CPT1A: variants seen among roughly 807,000 people sequenced by gnomAD.
CPT1A encodes carnitine O-palmitoyltransferase 1, liver isoform.
CPT1A carries 64 observed loss-of-function variants against 100.8 expected under a neutral mutation model. That is an observed-to-expected ratio of 0.63 (90% confidence interval 0.52 to 0.78). The LOEUF is 0.78. Among genes scored for constraint, CPT1A ranks in the 30% least tolerant of loss-of-function variants. The pLI, the probability that CPT1A is intolerant of heterozygous loss-of-function variation, is 0.00. For synonymous variants in CPT1A, 363 were observed against 396.0 expected (o/e 0.92, Z 0.99); for missense variants, 802 against 1,034.1 (o/e 0.78, Z 3.08).
chr11:68,839,649 AC>A (rs1857112721), intron 1 of CPT1A: 1 of 985,432 alleles, frequency 1.0e-6, no homozygotes, highest in Non-Finnish European at 1.2e-6. Flanking sequence ...CGAGCCAGAA[AC>A]GCAGGCACCG....
rs571775260 is a variant in CPT1A at position 68,786,858 on chromosome 11, A to G, written c.968-1848T>C. 8.5e-5 allele frequency among the ~76,000 whole-genome samples: 13 copies of G among 152,282 alleles called. No individual in the cohort carries two copies. In the East Asian group the frequency reaches 2.3e-3, roughly 27 times the overall value. ...GCTCTGATTTTTAAAATGTTTACCA[A>G]ACCAAGGATGCAGGAGACCTGCTTT... On this transcript the variant is annotated intron_variant, in intron 9 of 18. Transcript: ENST00000265641.
In CPT1A at chr11:68,755,151, A is replaced by G. The variant is rs1431362995; in HGVS notation, c.*2493T>C. On this transcript the variant is annotated 3_prime_UTR_variant, in exon 19 of 19. Coordinates refer to ENST00000265641, the MANE Select transcript of CPT1A (RefSeq NM_001876.4). ...GCATTGATAACTGCACTGATGAGCA[A>G]CAATTACATTTGAAACATTTAAAAC... 1 of 371,756 alleles carries G rather than the reference A, an allele frequency of 2.7e-6. No homozygotes were observed. Among genetic ancestry groups the G allele is most frequent in the Non-Finnish European group, 5.0e-6 (1 of 201,314 alleles). The allele number at this position is 371,756 out of a possible 1,614,324, so 23.0% of individuals were successfully genotyped here.
At chr11:68,820,205 A>AT (rs1594368203) in intron 1 of CPT1A, among the ~76,000 whole-genome samples, 2 of 151,706 alleles carry the variant, frequency 1.3e-5, no homozygotes, top group African/African-American at 2.4e-5. Flanking sequence ...TAATTTATGT[A>AT]TTTTTTTGTA....
chr11:68,838,579 A>AAAAACAAAAAAAAAAAAC (rs1566394886), intron 1 of CPT1A, among the ~76,000 whole-genome samples: 1 of 144,364 alleles, frequency 6.9e-6, no homozygotes, highest in African/African-American at 2.6e-5. Flanking sequence ...TTTTAAAAAA[A>AAAAACAAAAAAAAAAAAC]AAAAAAAAAA....
rs1346683458 is a variant in CPT1A at position 68,841,026 on chromosome 11, G to C, written c.-14+749C>G. ...GGCCCGGCACCCTCATCCTGCTCAC[G>C]GCAGCGCTCGGACCGCGCCTGGAGT... On this transcript the variant is annotated intron_variant, in intron 1 of 18. Transcript: ENST00000265641. The surrounding 1 kb of genome is among the most constrained non-coding windows in gnomAD (Gnocchi z 6.3). 6.6e-6 allele frequency among the ~76,000 whole-genome samples: 1 copy of C among 152,224 alleles called. No homozygotes were observed. The highest frequency in any genetic ancestry group is 1.5e-5 in the Non-Finnish European group (1 of 68,026).
chr11:68,813,567 T>C (rs1423226347), intron 2 of CPT1A, among the ~76,000 whole-genome samples: 1 of 146,550 alleles, frequency 6.8e-6, no homozygotes, highest in African/African-American at 2.5e-5. Flanking sequence ...CCGGGCATTG[T>C]GGTGTGCACC....
intron 6 of CPT1A, among the ~76,000 whole-genome samples, chr11:68,797,391 C>T (rs541004508): frequency 3.7e-4 from 57 of 152,258 alleles, no homozygotes; most frequent in African/African-American, 1.3e-3. Context: ...AAACTATGGG[C>T]TGGCCATGGT....
At chr11:68,776,979 G>A (rs545539391) in intron 12 of CPT1A, among the ~76,000 whole-genome samples, 1 of 152,236 alleles carries the variant, frequency 6.6e-6, no homozygotes, top group Non-Finnish European at 1.5e-5. Context: ...CGGGGTGACT[G>A]TCGGCTGGCG....
Position 68,781,978 on chromosome 11 carries a change from A to G in CPT1A, c.1164-19T>C, listed in dbSNP as rs1223924420. 1.2e-6 allele frequency: 2 copies of G among 1,612,542 alleles called. No homozygotes were observed. The highest frequency in any genetic ancestry group is 1.7e-6 in the Non-Finnish European group (2 of 1,178,626). ...GGGAACTCTGCAGTGAAGATGAAAT[A>G]CGATTAAAGGCAGCCCGACCTGCAG... is the stretch of plus-strand genomic sequence containing the variant. On this transcript the variant is annotated intron_variant, in intron 10 of 18. Transcript: ENST00000265641.
rs1459887743 is a variant in CPT1A at position 68,780,716 on chromosome 11, A to G, written c.1382T>C (p.Val461Ala). 2 of 1,614,254 alleles carry G rather than the reference A, an allele frequency of 1.2e-6. No individual in the cohort carries two copies. Among genetic ancestry groups the G allele is most frequent in the South Asian group, 2.2e-5 (2 of 91,088 alleles). The change falls in exon 12 of 19, where the codon GTC becomes GCC. Residue 461 changes from valine to alanine, a missense_variant. Coordinates refer to ENST00000265641, the MANE Select transcript of CPT1A (RefSeq NM_001876.4). ...GAGGCCCATCTTCCCGTTTTTGAAG[A>G]CAACAAACGTGAACGACTTGTCAAA... Reference protein sequence around the residue: ...RWFDKSFTFVVFKNGKMGLNA... With the variant: ...RWFDKSFTFVAFKNGKMGLNA...
At chr11:68,765,800 C>T (rs1854781417) in intron 14 of CPT1A, among the ~76,000 whole-genome samples, 1 of 152,038 alleles carries the variant, frequency 6.6e-6, no homozygotes, top group African/African-American at 2.4e-5. Flanking sequence ...AAAATTCTAT[C>T]ACATCAAGTC....
chr11:68,781,762 G>A lies in CPT1A; in HGVS notation c.1352+9C>T. 1.2e-6 allele frequency: 2 copies of A among 1,614,088 alleles called. No homozygotes were observed. The highest frequency in any genetic ancestry group is 1.7e-6 in the Non-Finnish European group (2 of 1,179,912). On this transcript the variant is annotated intron_variant, in intron 11 of 18. Transcript: ENST00000265641. Reference sequence around the variant, plus strand: ...CAAACTCCTGTCTCTCAGAAGGTAAGGACGGTACCTGTCGTAACATCGGCC... The same window carrying A: ...CAAACTCCTGTCTCTCAGAAGGTAAAGACGGTACCTGTCGTAACATCGGCC...
At chr11:68,812,049 T>C (rs1007357030) in intron 3 of CPT1A, among the ~76,000 whole-genome samples, 1 of 152,162 alleles carries the variant, frequency 6.6e-6, no homozygotes, top group Non-Finnish European at 1.5e-5. Flanking sequence ...CACAGAACTC[T>C]GGAATGAACA....
At chr11:68,812,349 G>A (rs1856236861) in intron 3 of CPT1A, 88 bp downstream of exon 3, 4 of 1,532,228 alleles carry the variant, frequency 2.6e-6, no homozygotes, top group South Asian at 1.1e-5. Context: ...ATCCAGAACA[G>A]TGACAATCAT....
chr11:68,800,857 G>A (rs1421155679), intron 5 of CPT1A, among the ~76,000 whole-genome samples: 3 of 152,186 alleles, frequency 2.0e-5, no homozygotes, highest in African/African-American at 7.2e-5. Context: ...GCTTATGCCT[G>A]TAACCCCAGC....
In CPT1A at chr11:68,759,593, A is replaced by G; in HGVS notation, c.2211T>C (p.Ser737=). ...CCGTCTCAGGGCAAGAGAACTTGGAAGAAATGTGGAAATTGATGAGGTTCT... is the reference window on the plus strand; with the variant it reads ...CCGTCTCAGGGCAAGAGAACTTGGAGGAAATGTGGAAATTGATGAGGTTCT... The part of the protein sequence containing the change: ...VGENLINFHI[S]SKFSCPETDS... The change falls in exon 18 of 19, where the codon TCT becomes TCC. Residue 737 remains serine, a synonymous_variant. Coordinates refer to ENST00000265641, the MANE Select transcript of CPT1A (RefSeq NM_001876.4). 6.2e-7 allele frequency: 1 copy of G among 1,613,386 alleles called. No individual in the cohort carries two copies. Among genetic ancestry groups the G allele is most frequent in the Non-Finnish European group, 8.5e-7 (1 of 1,179,352 alleles).
At chr11:68,760,951 G>A (rs531189358) in intron 16 of CPT1A, among the ~76,000 whole-genome samples, 63 of 152,112 alleles carry the variant, frequency 4.1e-4, no homozygotes, top group African/African-American at 1.5e-3. Flanking sequence ...AACCCGGGAG[G>A]CGGAGGTTTC....
intron 7 of CPT1A, among the ~76,000 whole-genome samples, chr11:68,795,680 C>T (rs1409126413): frequency 2.6e-5 from 4 of 152,128 alleles, no homozygotes; most frequent in Admixed American, 6.6e-5. Flanking sequence ...GAGACCGAGG[C>T]GCACGGATCA....
Position 68,773,319 on chromosome 11 carries a change from A to G in CPT1A, c.1686T>C (p.Cys562=), listed in dbSNP as rs771593510. 1.2e-6 allele frequency: 2 copies of G among 1,614,102 alleles called. No homozygotes were observed. The highest frequency in any genetic ancestry group is 3.3e-5 in the Admixed American group (2 of 60,000). The change falls in exon 14 of 19, where the codon TGT becomes TGC. Residue 562 remains cysteine, a synonymous_variant. Coordinates refer to ENST00000265641, the MANE Select transcript of CPT1A (RefSeq NM_001876.4). The part of the protein sequence containing the change: ...VAFGKGIIKK[C]RTSPDAFVQL... ...GCACAAAGGCGTCTGGGCTCGTGCG[A>G]CATTTCTTGATGATTCCTTTACCAA...
Sources: allele counts gnomAD v4.1 joint callset (sites outside exome capture counted in the v4.1 genomes callset), GRCh38; gene constraint gnomAD v4.1.1; non-coding constraint Gnocchi (gnomAD v3.1); transcripts MANE v1.5; gene names NCBI Gene and HGNC (gene_info 2026-07-23, HGNC 2026-07-21).